PLD1: variants seen among roughly 807,000 people sequenced by gnomAD.
PLD1 encodes the protein choline phosphatase 1.
In PLD1, 112 loss-of-function variants were observed where a neutral mutation model predicts 137.1. That is an observed-to-expected ratio of 0.82 (90% confidence interval 0.70 to 0.96). The LOEUF (loss-of-function observed/expected upper bound fraction) is 0.96. PLD1 is among the 40% of genes least tolerant of loss of function. The pLI is 0.00. For missense variants in PLD1, 1,321 were observed against 1,342.0 expected, an observed-to-expected ratio of 0.98 and a Z score of 0.24; for synonymous variants, 431 against 454.7, an observed-to-expected ratio of 0.95 and a Z score of 0.66.
intron 19 of PLD1, among the ~76,000 whole-genome samples, chr3:171,665,080 A>G (rs1180248079): frequency 6.6e-6 from 1 of 152,152 alleles, no homozygotes; most frequent in Non-Finnish European, 1.5e-5. Flanking sequence ...CTCACTCTCA[A>G]AATTTGCTCT....
chr3:171,628,036 C>T (rs9871902), intron 23 of PLD1, among the ~76,000 whole-genome samples: 26,280 of 151,180 alleles, frequency 0.17, 2,354 homozygotes, highest in South Asian at 0.23. Context: ...GAAATAGAGA[C>T]ACAAAAAACC....
chr3:171,626,767 A>C (rs1347616010), intron 23 of PLD1, among the ~76,000 whole-genome samples: 1 of 149,212 alleles, frequency 6.7e-6, no homozygotes, highest in African/African-American at 2.6e-5. Flanking sequence ...TCATAAGTGA[A>C]GGAAAAATAA....
At chr3:171,673,214 T>C (rs991598890) in intron 19 of PLD1, among the ~76,000 whole-genome samples, 13 of 151,794 alleles carry the variant, frequency 8.6e-5, no homozygotes, top group Non-Finnish European at 1.8e-4. Context: ...TCTATGCCTC[T>C]GAGTTTAAAT....
At chr3:171,689,345 CTCTT>C (rs1286583731) in intron 13 of PLD1, among the ~76,000 whole-genome samples, 2 of 152,108 alleles carry the variant, frequency 1.3e-5, no homozygotes, top group Non-Finnish European at 2.9e-5. Context: ...ATTTTGGCAG[CTCTT>C]TATTTAAAAG....
At chr3:171,620,778 T>TAA (rs139838413) in intron 23 of PLD1, among the ~76,000 whole-genome samples, 5 of 126,842 alleles carry the variant, frequency 3.9e-5, no homozygotes, top group African/African-American at 1.5e-4. Flanking sequence ...ATTATATATA[T>TAA]TTTTTTTTTA....
intron 1 of PLD1, chr3:171,792,237 T>G: frequency 4.3e-6 from 1 of 233,734 alleles, no homozygotes; most frequent in South Asian, 5.5e-5. Context: ...GTCATGCTTT[T>G]CTACCTTGCA....
Position 171,662,224 on chromosome 3 carries a change from A to C in PLD1, c.2230-54T>G, listed in dbSNP as rs566295138. The C allele has an allele frequency of 8.0e-5, 77 of 967,916 alleles. No homozygotes were observed. The African/African-American group carries it at 1.1e-3, about 14-fold the overall frequency. The allele number at this position is 967,916 out of a possible 1,614,324, so 60.0% of individuals were successfully genotyped here. A position where few individuals can be genotyped will look rare whatever the true frequency, so the allele number is the denominator to read the frequency against. ...GTATTAGCAATGGAGAGGACATCAGATATATTAATACAATGAAGTCACTCC... is the reference window on the plus strand; with the variant it reads ...GTATTAGCAATGGAGAGGACATCAGCTATATTAATACAATGAAGTCACTCC... On this transcript the variant is annotated intron_variant, in intron 19 of 26. Coordinates refer to ENST00000351298, the MANE Select transcript of PLD1 (RefSeq NM_002662.5).
chr3:171,647,038 A>C (rs1269995504), intron 21 of PLD1, among the ~76,000 whole-genome samples: 3 of 152,230 alleles, frequency 2.0e-5, no homozygotes, highest in Admixed American at 6.5e-5. Flanking sequence ...CACTCATAGC[A>C]CATGGCCAGG....
intron 16 of PLD1, 50 bp downstream of exon 16, chr3:171,686,635 C>T (rs776738550): frequency 5.1e-6 from 5 of 987,410 alleles, no homozygotes; most frequent in Non-Finnish European, 3.1e-6. Flanking sequence ...GCAGACAACA[C>T]AACCAAAGCT....
intron 1 of PLD1, among the ~76,000 whole-genome samples, chr3:171,796,191 A>G (rs189302430): frequency 6.6e-6 from 1 of 152,360 alleles, no homozygotes; most frequent in Non-Finnish European, 1.5e-5. Context: ...TATGTCCCTT[A>G]CCCAAAAGGA....
intron 25 of PLD1, among the ~76,000 whole-genome samples, chr3:171,608,750 A>G (rs1309793088): frequency 6.6e-6 from 1 of 152,192 alleles, no homozygotes; most frequent in African/African-American, 2.4e-5. Flanking sequence ...CACTTCTTAC[A>G]CTAAAATACA....
chr3:171,684,562 G>T lies in PLD1; in HGVS notation c.1867+2123C>A, dbSNP rs115858653. The stretch of plus-strand genomic sequence containing the variant: ...AATAAATATATGTCTCCCCATATTT[G>T]TTCTTCTCCATTTTTATTTTTCAAA... On this transcript the variant is annotated intron_variant, in intron 16 of 26. Transcript: ENST00000351298. 9.2e-3 allele frequency among the ~76,000 whole-genome samples: 1,395 copies of T among 152,184 alleles called. 33 individuals are homozygous for T. Among genetic ancestry groups the T allele is most frequent in the Admixed American group, 0.045 (689 of 15,282 alleles).
chr3:171,638,501 G>A (rs996579148), intron 23 of PLD1, among the ~76,000 whole-genome samples: 1 of 152,162 alleles, frequency 6.6e-6, no homozygotes, highest in African/African-American at 2.4e-5. Flanking sequence ...ACACATAACT[G>A]TATTCCTTTC....
At chr3:171,770,443 C>T (rs1289155623) in intron 1 of PLD1, among the ~76,000 whole-genome samples, 1 of 152,334 alleles carries the variant, frequency 6.6e-6, no homozygotes. Flanking sequence ...ATCAGACAAG[C>T]ACGCACCAGT....
At chr3:171,674,714 A>G (rs1713153626) in intron 18 of PLD1, 101 bp from the exon 19 acceptor site, 1 of 628,990 alleles carries the variant, frequency 1.6e-6, no homozygotes, top group African/African-American at 1.9e-5. Flanking sequence ...GCAGTGGCTC[A>G]CGCCTGTAAT....
intron 1 of PLD1, among the ~76,000 whole-genome samples, chr3:171,762,020 A>G (rs1300603732): frequency 6.6e-6 from 1 of 152,238 alleles, no homozygotes; most frequent in East Asian, 1.9e-4. Context: ...GAACACTGGT[A>G]TTAAGTTTAC....
chr3:171,659,956 A>AAAT (rs1359456204), intron 20 of PLD1, among the ~76,000 whole-genome samples: 9 of 152,250 alleles, frequency 5.9e-5, no homozygotes, highest in Admixed American at 3.9e-4. Context: ...ATAGTCTTTA[A>AAAT]AACTGTTACT....
rs1258971491 is a variant in PLD1, at chr3:171,637,377, A to G, written c.2593+5463T>C. On this transcript the variant is annotated intron_variant, in intron 23 of 26. Transcript: ENST00000351298. ...CAGCCTCCCGAGTAGCTGGGACTAC[A>G]GGTGCATGCCACCACGCCCAGCTAA... Among the ~76,000 whole-genome samples, 4 of 151,768 alleles carry G rather than the reference A, an allele frequency of 2.6e-5. No individual in the cohort carries two copies. The East Asian group carries it at 7.8e-4, about 30-fold the overall frequency.
At chr3:171,748,356 A>G (rs1720412846) in intron 1 of PLD1, among the ~76,000 whole-genome samples, 2 of 152,220 alleles carry the variant, frequency 1.3e-5, no homozygotes, top group Admixed American at 1.3e-4. Flanking sequence ...TCAGACTTCT[A>G]AAATTAACAT....
Sources: gnomAD v4.1 joint callset for allele counts (sites outside exome capture counted in the v4.1 genomes callset) on GRCh38, gnomAD v4.1.1 for gene constraint, MANE v1.5 for transcripts, NCBI Gene and HGNC (gene_info 2026-07-23, HGNC 2026-07-21) for gene names.